Variants in GNAI2 observed in about 807,000 individuals in gnomAD.
The protein encoded by GNAI2 is guanine nucleotide-binding protein G(i) subunit alpha-2.
Under a neutral mutation model 36.8 loss-of-function variants are expected in GNAI2, and 4 were observed. The ratio of observed to expected loss-of-function variants is 0.11; its 90% CI spans 0.05 to 0.25. The LOEUF is 0.25. GNAI2 is among the 10% of genes least tolerant of loss of function. The probability of loss-of-function intolerance (pLI) is 1.00; values close to 1 mark genes in which losing one functional copy is unlikely to be tolerated. For missense variants in GNAI2, 230 were observed against 481.3 expected (o/e 0.48, Z 4.89); for synonymous variants, 194 against 194.1 (o/e 1.00, Z 0.01).
intron 1 of GNAI2, chr3:50,247,102 A>G: frequency 4.2e-6 from 3 of 718,512 alleles, no homozygotes; most frequent in Non-Finnish European, 7.5e-6. Context: ...ACTCTTTCAA[A>G]GGGTAGATAA....
chr3:50,251,548 G>A, intron 1 of GNAI2: 1 of 1,181,844 alleles, frequency 8.5e-7, no homozygotes, highest in Non-Finnish European at 1.1e-6. Flanking sequence ...GCAGACCTGA[G>A]CGCAGTGAGC....
chr3:50,245,256 C>T (rs1248841577), intron 1 of GNAI2, among the ~76,000 whole-genome samples: 2 of 152,202 alleles, frequency 1.3e-5, no homozygotes, highest in South Asian at 2.1e-4. Context: ...CCTCAGCCTC[C>T]CAAAGTGCTG....
chr3:50,249,205 A>G (rs1700490663), intron 1 of GNAI2, among the ~76,000 whole-genome samples: 1 of 152,054 alleles, frequency 6.6e-6, no homozygotes, highest in African/African-American at 2.4e-5. Context: ...ATGACTTCGC[A>G]TCCTTGGCCT....
At chr3:50,246,956 A>G in intron 1 of GNAI2, 1 of 1,506,038 alleles carries the variant, frequency 6.6e-7, no homozygotes, top group East Asian at 2.5e-5. Flanking sequence ...ACAGCTCTGA[A>G]TCAGCCTGTT....
intron 1 of GNAI2, chr3:50,247,171 C>T (rs587663774): frequency 1.5e-6 from 1 of 681,404 alleles, no homozygotes; most frequent in Non-Finnish European, 2.7e-6. Flanking sequence ...AAGAGCTTTG[C>T]ATTTAATCCT....
At chr3:50,258,054 G>C (rs937987882) in intron 8 of GNAI2, 120 of 201,688 alleles carry the variant, frequency 5.9e-4, no homozygotes, top group African/African-American at 2.7e-3. Flanking sequence ...GAAGCTGCAT[G>C]CCAGCGGAGC....
In GNAI2 at chr3:50,259,067, C is replaced by T; in HGVS notation, c.*724C>T. 2.5e-6 allele frequency: 1 copy of T among 394,648 alleles called. No homozygotes were observed. The highest frequency in any genetic ancestry group is 1.8e-5 in the South Asian group (1 of 54,758). 24.4% of individuals were successfully genotyped at this position (394,648 alleles called of 1,614,324 possible). ...CTGCTGGCCGCCCCCGTGCGAGCGG[C>T]ACCCCTGCCCTGCCCTCCACAGAAT... On this transcript the variant is annotated 3_prime_UTR_variant, in exon 9 of 9. Coordinates refer to ENST00000313601, the MANE Select transcript of GNAI2 (RefSeq NM_002070.4).
At chr3:50,246,795 C>T in intron 1 of GNAI2, 1 of 747,070 alleles carries the variant, frequency 1.3e-6, no homozygotes, top group Non-Finnish European at 2.0e-6. Flanking sequence ...GCAATGTCAG[C>T]AGTGAGGCTC....
chr3:50,235,495 T>G (rs1700143123), upstream of GNAI2, among the ~76,000 whole-genome samples: 3 of 152,004 alleles, frequency 2.0e-5, no homozygotes, highest in Admixed American at 2.0e-4. Flanking sequence ...AATTTTTGTA[T>G]TTTTAGTAGA....
chr3:50,256,905 G>A (rs782277088), intron 6 of GNAI2, 32 bp from the exon 7 acceptor site: 4 of 1,613,656 alleles, frequency 2.5e-6, no homozygotes, highest in Non-Finnish European at 3.4e-6. Context: ...GGGGAGTGGT[G>A]GCTAGCGTTG....
rs149019479 is a variant in GNAI2 at position 50,256,309 on chromosome 3, C to T, written c.582C>T (p.Asp194=). The T allele has an allele frequency of 6.8e-6, 11 of 1,613,820 alleles. No homozygotes were observed. Among genetic ancestry groups the T allele is most frequent in the Non-Finnish European group, 9.3e-6 (11 of 1,179,838 alleles). Reference sequence around the variant, plus strand: ...TGGAGACACACTTCACCTTCAAGGACCTACACTTCAAGTGAGCGAGCATGT... The same window carrying T: ...TGGAGACACACTTCACCTTCAAGGATCTACACTTCAAGTGAGCGAGCATGT... The part of the protein sequence containing the change: ...GIVETHFTFK[D]LHFKMFDVGG... The change falls in exon 5 of 9, where the codon GAC becomes GAT. Residue 194 remains aspartate (D), a synonymous_variant. Coordinates refer to ENST00000313601, the MANE Select transcript of GNAI2 (RefSeq NM_002070.4).
intron 5 of GNAI2, chr3:50,256,521 T>C: frequency 1.4e-6 from 1 of 708,276 alleles, no homozygotes; most frequent in Non-Finnish European, 2.4e-6. Flanking sequence ...CCTCTGCTGC[T>C]CCTGCCTGAT....
chr3:50,232,387 C>T (rs1168094393), upstream of GNAI2, among the ~76,000 whole-genome samples: 1 of 152,188 alleles, frequency 6.6e-6, no homozygotes, highest in Admixed American at 6.5e-5. Context: ...TTCTATGTGC[C>T]ATGCACATTC....
chr3:50,239,430 T>TC (rs1700253884), intron 1 of GNAI2, among the ~76,000 whole-genome samples: 1 of 152,100 alleles, frequency 6.6e-6, no homozygotes, highest in Admixed American at 6.6e-5. Context: ...CGCTGTTGCT[T>TC]CCCCCCTCAG....
In GNAI2 at chr3:50,236,444, C is replaced by T. The variant is rs1234668143; in HGVS notation, c.109C>T (p.Leu37=). The T allele has an allele frequency of 4.4e-6, 7 of 1,576,912 alleles. No individual in the cohort carries two copies. The highest frequency in any genetic ancestry group is 6.0e-6 in the Non-Finnish European group (7 of 1,164,434). Residue 37 remains leucine (L), a synonymous_variant, in exon 1 of 9, where the codon CTG becomes TTG. Transcript: ENST00000313601. This position sits in a 1 kb window ranked among gnomAD's most constrained non-coding sequence, Gnocchi z 4.0. ...GEKAAREVKL[L]LLGAGESGKS... is the part of the protein sequence containing the mutation. ...GAAGGCGGCGCGGGAGGTGAAGTTG[C>T]TGCTGTTGGGTGAGGCCGCGTCCCG...
chr3:50,233,800 C>A (rs587723184), upstream of GNAI2, among the ~76,000 whole-genome samples: 1 of 151,018 alleles, frequency 6.6e-6, no homozygotes, highest in Admixed American at 6.6e-5. Flanking sequence ...GACCCCTCAA[C>A]AAGAGAGACA....
chr3:50,251,947 C>A, intron 1 of GNAI2, 153 bp from the exon 2 acceptor site: 1 of 894,554 alleles, frequency 1.1e-6, no homozygotes, highest in Non-Finnish European at 1.7e-6. Flanking sequence ...CCTGGTAGCT[C>A]AACTGCCCAC....
At position 50,252,771 on chromosome 3, in the gene GNAI2, G is replaced by A. The variant is rs1235140773; in HGVS notation, c.303+233G>A. Among the ~76,000 whole-genome samples the A allele has an allele frequency of 6.6e-6, 1 of 152,176 alleles. No homozygotes were observed. Among genetic ancestry groups the A allele is most frequent in the African/African-American group, 2.4e-5 (1 of 41,432 alleles). ...CCCAGCTACTTGGGAGGCTGAAGCAGGAGAATTGCTTGAACCCGGGAGGCA... is the reference window on the plus strand; with the variant it reads ...CCCAGCTACTTGGGAGGCTGAAGCAAGAGAATTGCTTGAACCCGGGAGGCA... On this transcript the variant is annotated intron_variant, in intron 3 of 8. Transcript: ENST00000313601. This position sits in a 1 kb window ranked among gnomAD's most constrained non-coding sequence, Gnocchi z 4.1.
chr3:50,248,022 G>A (rs1161486163), intron 1 of GNAI2, among the ~76,000 whole-genome samples: 1 of 152,244 alleles, frequency 6.6e-6, no homozygotes, highest in Non-Finnish European at 1.5e-5. Flanking sequence ...ATCACTTGAG[G>A]TCAGGAGTTC....
Sources: gnomAD v4.1 joint callset for allele counts (sites outside exome capture counted in the v4.1 genomes callset) on GRCh38, gnomAD v4.1.1 for gene constraint, Gnocchi (gnomAD v3.1) non-coding constraint, MANE v1.5 for transcripts, NCBI Gene and HGNC (gene_info 2026-07-23, HGNC 2026-07-21) for gene names.